FRAS1: variants seen among roughly 807,000 people sequenced by gnomAD.
The protein encoded by FRAS1 is extracellular matrix organizing protein FRAS1.
In FRAS1, 290 loss-of-function variants were observed where a neutral mutation model predicts 435.2. The ratio of observed to expected loss-of-function variants is 0.67; its 90% CI spans 0.61 to 0.73. The LOEUF (loss-of-function observed/expected upper bound fraction) is 0.73, where lower values mean the gene tolerates loss of function less well. FRAS1 is among the 30% of genes least tolerant of loss of function. The probability of loss-of-function intolerance (pLI) is 0.00; values close to 1 mark genes in which losing one functional copy is unlikely to be tolerated. For synonymous variants in FRAS1, 1,800 were observed against 1,851.0 expected (o/e 0.97, Z 0.71); for missense variants, 4,860 against 5,001.5 (o/e 0.97, Z 0.85).
At chr4:78,153,177 T>C (rs886784692) in intron 2 of FRAS1, among the ~76,000 whole-genome samples, 17 of 152,176 alleles carry the variant, frequency 1.1e-4, no homozygotes, top group African/African-American at 3.6e-4. Flanking sequence ...ACAAGACTTT[T>C]TGATAGCCTT....
chr4:78,128,574 A>T (rs868565234), intron 2 of FRAS1, among the ~76,000 whole-genome samples: 1 of 152,096 alleles, frequency 6.6e-6, no homozygotes, highest in Admixed American at 6.6e-5. Flanking sequence ...GTCTGTTCAT[A>T]TCCTTCACCC....
At chr4:78,414,999 G>A (rs566660112) in intron 32 of FRAS1, among the ~76,000 whole-genome samples, 23 of 152,226 alleles carry the variant, frequency 1.5e-4, no homozygotes, top group Admixed American at 4.6e-4. Flanking sequence ...AGCTGGGTGA[G>A]TGTAAATTAT....
intron 2 of FRAS1, among the ~76,000 whole-genome samples, chr4:78,143,661 C>T (rs1216077041): frequency 1.3e-5 from 2 of 150,912 alleles, no homozygotes; most frequent in Admixed American, 1.3e-4. Context: ...TTTGGGAGGC[C>T]AAGGCTGGCA....
intron 2 of FRAS1, among the ~76,000 whole-genome samples, chr4:78,191,578 G>A (rs201365168): frequency 4.1e-5 from 6 of 146,004 alleles, no homozygotes; most frequent in Admixed American, 6.9e-5. Context: ...TTTAGGGTTC[G>A]TGTGCACAAC....
At chr4:78,296,367 G>A (rs1207304139) in intron 14 of FRAS1, among the ~76,000 whole-genome samples, 2 of 152,086 alleles carry the variant, frequency 1.3e-5, no homozygotes, top group East Asian at 3.9e-4. Flanking sequence ...GGAGGCAGTA[G>A]CAGGCAGAGG....
At chr4:78,181,240 A>T in intron 2 of FRAS1, 2 of 1,609,326 alleles carry the variant, frequency 1.2e-6, no homozygotes, top group Non-Finnish European at 8.5e-7. Flanking sequence ...TCTCTTTTGG[A>T]CCCTCCTCTT....
intron 2 of FRAS1, among the ~76,000 whole-genome samples, chr4:78,188,951 A>T (rs1010304113): frequency 6.6e-6 from 1 of 152,096 alleles, no homozygotes; most frequent in Non-Finnish European, 1.5e-5. Context: ...TATGTGCCCT[A>T]CAGATGCGGT....
At chr4:78,424,973 C>T (rs1023613009) in intron 35 of FRAS1, among the ~76,000 whole-genome samples, 2 of 152,026 alleles carry the variant, frequency 1.3e-5, no homozygotes, top group Non-Finnish European at 2.9e-5. Flanking sequence ...TTCAACATGT[C>T]CTAATATCCA....
intron 4 of FRAS1, among the ~76,000 whole-genome samples, chr4:78,249,274 G>C (rs1025563594): frequency 6.8e-6 from 1 of 147,216 alleles, no homozygotes; most frequent in Admixed American, 6.8e-5. Flanking sequence ...GCACACTTTG[G>C]ATCACTGTCT....
At position 78,542,605 on chromosome 4, in the gene FRAS1, C is replaced by G. The variant is rs1030455803; in HGVS notation, c.*1481C>G. ...AGAACATTCCAAACTAGTAACATTT[C>G]GCTACTAAAAGCTAGAAAGGATGAA... On this transcript the variant is annotated 3_prime_UTR_variant, in exon 74 of 74. Transcript: ENST00000512123. The G allele has an allele frequency of 5.9e-5, 9 of 152,610 alleles. No homozygotes were observed. The highest frequency in any genetic ancestry group is 2.2e-4 in the African/African-American group (9 of 41,450). 9.5% of individuals were successfully genotyped at this position (152,610 alleles called of 1,614,324 possible).
At chr4:78,400,409 T>C (rs1181096996) in intron 29 of FRAS1, among the ~76,000 whole-genome samples, 1 of 152,286 alleles carries the variant, frequency 6.6e-6, no homozygotes, top group East Asian at 1.9e-4. Flanking sequence ...TAATGAATAA[T>C]TCTTAAATAT....
chr4:78,483,768 C>CTATATA (rs1491536432), intron 58 of FRAS1, among the ~76,000 whole-genome samples: 33 of 6,512 alleles, frequency 5.1e-3, no homozygotes, highest in Admixed American at 0.041. Context: ...AAAAAAAAAA[C>CTATATA]TCTCTCTCTC....
At chr4:78,094,263 G>T (rs921748164) in intron 2 of FRAS1, among the ~76,000 whole-genome samples, 2 of 151,782 alleles carry the variant, frequency 1.3e-5, no homozygotes, top group Admixed American at 6.6e-5. Flanking sequence ...ATGGATTTCG[G>T]ATAAATTTCA....
intron 2 of FRAS1, among the ~76,000 whole-genome samples, chr4:78,196,070 A>T (rs539003968): frequency 1.1e-4 from 16 of 151,748 alleles, no homozygotes; most frequent in Non-Finnish European, 2.4e-4. Context: ...TGCAGTGGCA[A>T]GATCTCGGCT....
intron 2 of FRAS1, among the ~76,000 whole-genome samples, chr4:78,188,317 CTAATCTATCTATCTATA>C (rs1722372681): frequency 4.6e-4 from 2 of 4,312 alleles, no homozygotes; most frequent in African/African-American, 5.6e-4. Context: ...ATCTATCTAT[CTAATCTATCTATCTATA>C]TTTAGGTTGG....
chr4:78,488,965 G>A lies in FRAS1; in HGVS notation c.8843G>A (p.Ser2948Asn), dbSNP rs376401182. 29 of 1,613,584 alleles carry A rather than the reference G, an allele frequency of 1.8e-5. No individual in the cohort carries two copies. The highest frequency in any genetic ancestry group is 1.7e-6 in the Non-Finnish European group (2 of 1,179,766). Reference protein sequence around the residue: ...HVPITRSGDLSYESSVRCYTQ... With the variant: ...HVPITRSGDLNYESSVRCYTQ... ...CCTATCACTCGGAGCGGAGACCTGA[G>A]CTATGAGTCATCAGTGAGGTGCTAT... Residue 2948 changes from serine to asparagine, a missense_variant, in exon 59 of 74, where the codon AGC (serine) becomes AAC (asparagine). Transcript: ENST00000512123.
chr4:78,153,970 CAG>C (rs886788764), intron 2 of FRAS1, among the ~76,000 whole-genome samples: 15 of 152,016 alleles, frequency 9.9e-5, no homozygotes, highest in East Asian at 5.8e-4. Flanking sequence ...CAATTTTTTT[CAG>C]AGTCTTTTGT....
intron 2 of FRAS1, among the ~76,000 whole-genome samples, chr4:78,170,475 T>G (rs1392783321): frequency 6.6e-6 from 1 of 152,142 alleles, no homozygotes; most frequent in Non-Finnish European, 1.5e-5. Flanking sequence ...GTAAAATGGC[T>G]AATTATTTTC....
intron 22 of FRAS1, among the ~76,000 whole-genome samples, chr4:78,367,323 G>A (rs971995403): frequency 2.6e-5 from 4 of 151,810 alleles, no homozygotes; most frequent in Non-Finnish European, 5.9e-5. Flanking sequence ...GTTTGCTTGA[G>A]CCCGGGAGGT....
Sources: gnomAD v4.1 joint callset for allele counts (sites outside exome capture counted in the v4.1 genomes callset) on GRCh38, gnomAD v4.1.1 for gene constraint, MANE v1.5 for transcripts, NCBI Gene and HGNC (gene_info 2026-07-23, HGNC 2026-07-21) for gene names.